Variants in CHLSN observed in about 807,000 individuals in gnomAD.
CHLSN encodes protein cholesin.
the CHLSN span, among the ~76,000 whole-genome samples, chr7:1,007,540 G>A: frequency 6.6e-6 from 1 of 152,170 alleles, no homozygotes; most frequent in African/African-American, 2.4e-5. Context: ...GCAGCCAGAT[G>A]CGGCTGGGCT....
the CHLSN span, among the ~76,000 whole-genome samples, chr7:1,071,461 G>A: frequency 1.3e-5 from 2 of 152,166 alleles, no homozygotes; most frequent in Admixed American, 6.5e-5. Flanking sequence ...GGGCACTGGT[G>A]GGGGCAGCTG....
chr7:1,027,658 C>T, the CHLSN span, among the ~76,000 whole-genome samples: 3 of 152,284 alleles, frequency 2.0e-5, no homozygotes, highest in Non-Finnish European at 4.4e-5. Context: ...CTTTAGTTGA[C>T]ACAGCTTCGC....
chr7:1,040,685 A>C, the CHLSN span, among the ~76,000 whole-genome samples: 1 of 44,370 alleles, frequency 2.3e-5, no homozygotes, highest in Non-Finnish European at 4.8e-5. Flanking sequence ...TAAAATTAAA[A>C]AGAACAAAAA....
At chr7:989,914 G>A in the CHLSN span, among the ~76,000 whole-genome samples, 1 of 145,160 alleles carries the variant, frequency 6.9e-6, no homozygotes, top group Non-Finnish European at 1.5e-5. Flanking sequence ...TGGTGGCGGT[G>A]TGGTCGGCAG....
the CHLSN span, among the ~76,000 whole-genome samples, chr7:1,008,911 A>ACAACG: frequency 2.6e-5 from 2 of 77,992 alleles, no homozygotes; most frequent in Non-Finnish European, 5.2e-5. Context: ...CGTACACAAC[A>ACAACG]CACGTATACA....
chr7:1,088,573 C>A, the CHLSN span, among the ~76,000 whole-genome samples: 1 of 152,168 alleles, frequency 6.6e-6, no homozygotes, highest in African/African-American at 2.4e-5. The surrounding 1 kb of genome is among the most constrained non-coding windows in gnomAD (Gnocchi z 4.5). Flanking sequence ...GAAAGCAGGA[C>A]CCAGTATTCC....
chr7:1,010,194 C>T, the CHLSN span: 34 of 1,530,466 alleles, frequency 2.2e-5, no homozygotes, highest in East Asian at 1.4e-4. Context: ...TATCCAGAGA[C>T]GGGTGCGCTG....
the CHLSN span, among the ~76,000 whole-genome samples, chr7:1,002,533 G>T: frequency 2.1e-5 from 2 of 95,046 alleles, no homozygotes; most frequent in Non-Finnish European, 4.2e-5. Flanking sequence ...TCCTGTGGGT[G>T]AGTGGAGCCC....
At chr7:1,058,962 G>C in the CHLSN span, 1 of 187,566 alleles carries the variant, frequency 5.3e-6, no homozygotes, top group Non-Finnish European at 1.3e-5. Flanking sequence ...GCAACAGCCA[G>C]GGTGGCCGGG....
At chr7:1,136,261 AT>A in the CHLSN span, among the ~76,000 whole-genome samples, 1 of 114,976 alleles carries the variant, frequency 8.7e-6, no homozygotes, top group African/African-American at 3.5e-5. Flanking sequence ...ATATATAAAC[AT>A]ATATAAATAT....
At chr7:1,057,757 CT>C in the CHLSN span, 1 of 776,024 alleles carries the variant, frequency 1.3e-6, no homozygotes, top group Non-Finnish European at 2.4e-6. Context: ...GCCCTGGCCC[CT>C]GTGCACCTGC....
the CHLSN span, among the ~76,000 whole-genome samples, chr7:1,122,749 C>G: frequency 6.6e-6 from 1 of 152,198 alleles, no homozygotes; most frequent in Non-Finnish European, 1.5e-5. Context: ...AACTCCTAAA[C>G]CCCAGCTCCC....
chr7:1,123,224 C>T, the CHLSN span, among the ~76,000 whole-genome samples: 1,200 of 152,296 alleles, frequency 7.9e-3, 8 homozygotes, highest in Non-Finnish European at 0.013. The surrounding 1 kb of genome is among the most constrained non-coding windows in gnomAD (Gnocchi z 4.4). Flanking sequence ...GAGTGGGAAC[C>T]GGAACGCTGA....
the CHLSN span, among the ~76,000 whole-genome samples, chr7:1,042,096 G>A: frequency 3.3e-5 from 5 of 150,622 alleles, no homozygotes; most frequent in African/African-American, 9.8e-5. Flanking sequence ...GCACACAGGA[G>A]CCTCGGCAGT....
the CHLSN span, among the ~76,000 whole-genome samples, chr7:999,217 T>C: frequency 6.6e-6 from 1 of 152,236 alleles, no homozygotes; most frequent in Non-Finnish European, 1.5e-5. Context: ...CCACGTAAAC[T>C]TTGGTTAAAA....
the CHLSN span, among the ~76,000 whole-genome samples, chr7:1,103,697 A>G: frequency 6.6e-6 from 1 of 152,206 alleles, no homozygotes; most frequent in Non-Finnish European, 1.5e-5. Context: ...CAAAACCAAC[A>G]GCGACGTCCC....
the CHLSN span, among the ~76,000 whole-genome samples, chr7:1,008,785 C>CACATGTACACACGTGTAT: frequency 4.6e-5 from 7 of 151,564 alleles, no homozygotes; most frequent in Non-Finnish European, 1.0e-4. Flanking sequence ...CGCACACACG[C>CACATGTACACACGTGTAT]ACATGTACAC....
chr7:1,002,796 G>T, the CHLSN span, among the ~76,000 whole-genome samples: 1 of 81,778 alleles, frequency 1.2e-5, no homozygotes, highest in Non-Finnish European at 2.6e-5. Flanking sequence ...CTGTGGGTGA[G>T]TGGAGTCCTG....
the CHLSN span, chr7:1,074,793 ATG>A: frequency 6.6e-6 from 1 of 152,592 alleles, no homozygotes; most frequent in East Asian, 1.9e-4. Context: ...CGCGCCTGGG[ATG>A]TCATGCAGCC....
Sources: gnomAD v4.1 joint callset for allele counts (sites outside exome capture counted in the v4.1 genomes callset) on GRCh38, gnomAD v4.1.1 for gene constraint, Gnocchi (gnomAD v3.1) non-coding constraint, MANE v1.5 for transcripts, NCBI Gene and HGNC (gene_info 2026-07-23, HGNC 2026-07-21) for gene names.